Variants in SGCZ observed in about 807,000 individuals in gnomAD.
SGCZ encodes the protein sarcoglycan zeta.
SGCZ carries 40 observed loss-of-function variants against 41.3 expected under a neutral mutation model. The observed-to-expected ratio is 0.97, with a 90% CI of 0.75 to 1.26. The LOEUF is 1.26. Ranked by LOEUF, SGCZ falls within the 50% of genes most tolerant of loss-of-function variation. The pLI, the probability that SGCZ is intolerant of heterozygous loss-of-function variation, is 0.00. For missense variants in SGCZ, 552 were observed against 369.8 expected, an observed-to-expected ratio of 1.49 and a Z score of -4.04; for synonymous variants, 206 against 137.5, an observed-to-expected ratio of 1.50 and a Z score of -3.49.
chr8:14,209,146 T>A (rs2117090324), intron 4 of SGCZ, among the ~76,000 whole-genome samples: 1 of 152,320 alleles, frequency 6.6e-6, no homozygotes, highest in East Asian at 1.9e-4. Context: ...CCCATTTGCA[T>A]ATTAGTGCGG....
chr8:15,120,453 A>T (rs2116949246), intron 1 of SGCZ, among the ~76,000 whole-genome samples: 1 of 152,336 alleles, frequency 6.6e-6, no homozygotes, highest in South Asian at 2.1e-4. Context: ...GGTTAATTTA[A>T]GTAGTTTAAT....
chr8:14,418,999 A>C (rs1184602136), intron 2 of SGCZ, among the ~76,000 whole-genome samples: 1 of 151,966 alleles, frequency 6.6e-6, no homozygotes, highest in East Asian at 1.9e-4. Context: ...AATTCCCTTC[A>C]TGACAATCTC....
At chr8:14,922,824 G>A (rs1273028938) in intron 1 of SGCZ, among the ~76,000 whole-genome samples, 1 of 152,030 alleles carries the variant, frequency 6.6e-6, no homozygotes, top group African/African-American at 2.4e-5. Flanking sequence ...ACCATAAAAG[G>A]AAGTAAATAC....
intron 1 of SGCZ, among the ~76,000 whole-genome samples, chr8:14,807,118 A>C (rs1157380322): frequency 6.6e-6 from 1 of 151,820 alleles, no homozygotes; most frequent in Admixed American, 6.6e-5. Context: ...CCCACAGCCA[A>C]TATCATACTG....
At chr8:14,360,750 G>C (rs1314059080) in intron 2 of SGCZ, among the ~76,000 whole-genome samples, 1 of 152,156 alleles carries the variant, frequency 6.6e-6, no homozygotes, top group Non-Finnish European at 1.5e-5. Context: ...TATGAATAAA[G>C]CTGCTATGGA....
intron 1 of SGCZ, among the ~76,000 whole-genome samples, chr8:14,772,169 G>A (rs144513286): frequency 7.9e-5 from 12 of 152,236 alleles, no homozygotes; most frequent in African/African-American, 2.9e-4. Flanking sequence ...CCCAACTGTA[G>A]GCTAATGTAA....
chr8:14,679,390 C>G (rs762705389), intron 1 of SGCZ, among the ~76,000 whole-genome samples: 7 of 151,684 alleles, frequency 4.6e-5, no homozygotes, highest in African/African-American at 7.3e-5. Flanking sequence ...GTTAGTGGTA[C>G]AAGATGTACA....
intron 1 of SGCZ, among the ~76,000 whole-genome samples, chr8:15,033,771 T>C (rs1048941866): frequency 6.6e-6 from 1 of 152,052 alleles, no homozygotes; most frequent in African/African-American, 2.4e-5. Context: ...ATTCAGGTTG[T>C]CTCCTGAGGA....
intron 2 of SGCZ, among the ~76,000 whole-genome samples, chr8:14,420,513 A>AAAT (rs1799610460): frequency 4.6e-5 from 7 of 151,982 alleles, no homozygotes; most frequent in African/African-American, 1.7e-4. Context: ...AGGTGCTCTA[A>AAAT]CATTTTCAAG....
In SGCZ at chr8:14,928,418, G is replaced by A. The variant is rs114083826; in HGVS notation, c.39+309167C>T. 5.1e-3 allele frequency among the ~76,000 whole-genome samples: 769 copies of A among 152,200 alleles called. 3 individuals carry two copies. Among genetic ancestry groups the A allele is most frequent in the African/African-American group, 0.017 (715 of 41,522 alleles). On this transcript the variant is annotated intron_variant, in intron 1 of 7. Transcript: ENST00000382080. ...TTCTACACTAACTGAATAATGATAT[G>A]GAGGTTAAAACTACTATAAAACGCG...
At chr8:14,588,267 C>A (rs1476241147) in intron 1 of SGCZ, among the ~76,000 whole-genome samples, 2 of 150,454 alleles carry the variant, frequency 1.3e-5, no homozygotes, top group Admixed American at 6.6e-5. Flanking sequence ...AGTGGATTTG[C>A]ATAAAATCAA....
intron 1 of SGCZ, among the ~76,000 whole-genome samples, chr8:15,180,934 G>A (rs1800157261): frequency 6.6e-6 from 1 of 151,596 alleles, no homozygotes; most frequent in Admixed American, 6.6e-5. Context: ...CACATAAACT[G>A]TATTTCATGG....
chr8:14,895,416 T>TG (rs1430275864), intron 1 of SGCZ, among the ~76,000 whole-genome samples: 2 of 152,114 alleles, frequency 1.3e-5, no homozygotes, highest in African/African-American at 4.8e-5. Flanking sequence ...TGTGTTTTTT[T>TG]GGGGGTGATA....
intron 1 of SGCZ, among the ~76,000 whole-genome samples, chr8:14,721,817 G>A (rs757190471): frequency 6.6e-6 from 1 of 152,088 alleles, no homozygotes; most frequent in African/African-American, 2.4e-5. Context: ...CAAAAACCCT[G>A]TAAGCACTGG....
chr8:14,406,880 G>A (rs10102536), intron 2 of SGCZ, among the ~76,000 whole-genome samples: 2,675 of 152,076 alleles, frequency 0.018, 87 homozygotes, highest in African/African-American at 0.059. Flanking sequence ...GCCTCCTTTC[G>A]CAAGGAGCTG....
At chr8:14,494,383 G>C (rs986810297) in intron 2 of SGCZ, among the ~76,000 whole-genome samples, 3 of 152,116 alleles carry the variant, frequency 2.0e-5, no homozygotes, top group Admixed American at 6.6e-5. Context: ...AAGAGTGACA[G>C]AATGTCAGAA....
At chr8:14,219,862 G>A (rs868473831) in intron 4 of SGCZ, among the ~76,000 whole-genome samples, 1 of 139,224 alleles carries the variant, frequency 7.2e-6, no homozygotes, top group African/African-American at 2.7e-5. Flanking sequence ...ATTTCTTGTA[G>A]GGAAAACGTT....
chr8:14,173,779 A>G (rs1804461235), intron 4 of SGCZ, among the ~76,000 whole-genome samples: 1 of 152,144 alleles, frequency 6.6e-6, no homozygotes, highest in South Asian at 2.1e-4. Context: ...ATGATAGACA[A>G]ATGGAAACAT....
At chr8:14,665,274 G>C (rs1807873786) in intron 1 of SGCZ, among the ~76,000 whole-genome samples, 1 of 151,528 alleles carries the variant, frequency 6.6e-6, no homozygotes, top group Non-Finnish European at 1.5e-5. Context: ...ATGGTTTTTT[G>C]TCCTTGTGAT....
Sources: allele counts gnomAD v4.1 joint callset (sites outside exome capture counted in the v4.1 genomes callset), GRCh38; gene constraint gnomAD v4.1.1; transcripts MANE v1.5; gene names NCBI Gene and HGNC (gene_info 2026-07-23, HGNC 2026-07-21).